The following SRSF1 variants were observed in gnomAD, a reference collection of about 807,000 sequenced individuals.
SRSF1 encodes serine/arginine-rich splicing factor 1.
A neutral mutation model predicts 25.9 loss-of-function variants in SRSF1; 1 was observed. The observed-to-expected ratio is 0.04, with a 90% CI of 0.01 to 0.18. The LOEUF (loss-of-function observed/expected upper bound fraction) is 0.18. Among genes scored for constraint, SRSF1 ranks in the 10% least tolerant of loss-of-function variants. The probability of loss-of-function intolerance (pLI) is 1.00; values close to 1 mark genes in which losing one functional copy is unlikely to be tolerated. For missense variants in SRSF1, 65 were observed against 350.5 expected (o/e 0.19, Z 6.50); for synonymous variants, 132 against 126.2 (o/e 1.05, Z -0.31).
At chr17:57,998,833 G>T (rs1403163308), downstream of SRSF1, among the ~76,000 whole-genome samples, 1 of 152,130 alleles carries the variant, frequency 6.6e-6, no homozygotes, top group Non-Finnish European at 1.5e-5. Flanking sequence ...GAAACAGACT[G>T]ATTTTCTAAA....
Position 58,005,657 on chromosome 17 carries a change from C to G in SRSF1, c.553-57G>C. On this transcript the variant is annotated intron_variant, in intron 3 of 3. Coordinates refer to ENST00000258962, the MANE Select transcript of SRSF1 (RefSeq NM_006924.5). The surrounding 1 kb of genome is among the most constrained non-coding windows in gnomAD (Gnocchi z 5.2). Reference sequence around the variant, plus strand: ...ATCTAAGCTTTCATCTATCTTCAGACATGCTGAATGAATACAATGTAACTA... The same window carrying G: ...ATCTAAGCTTTCATCTATCTTCAGAGATGCTGAATGAATACAATGTAACTA... 1 of 1,609,812 alleles carries G rather than the reference C, an allele frequency of 6.2e-7. No homozygotes were observed. Among genetic ancestry groups the G allele is most frequent in the Non-Finnish European group, 8.5e-7 (1 of 1,176,988 alleles).
downstream of SRSF1, among the ~76,000 whole-genome samples, chr17:58,000,468 A>T (rs2075382208): frequency 6.6e-6 from 1 of 152,194 alleles, no homozygotes; most frequent in African/African-American, 2.4e-5. Flanking sequence ...ACTGATACAG[A>T]AACAATAACT....
downstream of SRSF1, among the ~76,000 whole-genome samples, chr17:57,999,958 T>A (rs1365479531): frequency 5.3e-5 from 8 of 152,030 alleles, no homozygotes; most frequent in Non-Finnish European, 7.4e-5. Flanking sequence ...CTGAACTAAG[T>A]GTTGTTTTGC....
At chr17:57,989,949 A>G in the SRSF1 span, 1 of 391,810 alleles carries the variant, frequency 2.6e-6, no homozygotes. Context: ...GACCTTGGAC[A>G]ATGGAATTCT....
In SRSF1 at chr17:58,004,988, T is replaced by C; in HGVS notation, c.*418A>G. ...TTTGACAATCCTAAAATGATTGAAATGTGCTCCACAATCCTTAATCCAAAG... is the reference window on the plus strand; with the variant it reads ...TTTGACAATCCTAAAATGATTGAAACGTGCTCCACAATCCTTAATCCAAAG... On this transcript the variant is annotated 3_prime_UTR_variant, in exon 4 of 4. Transcript: ENST00000258962. 2.4e-6 allele frequency: 1 copy of C among 412,620 alleles called. No individual in the cohort carries two copies. The highest frequency in any genetic ancestry group is 4.3e-6 in the Non-Finnish European group (1 of 233,544). 25.6% of individuals were successfully genotyped at this position (412,620 alleles called of 1,614,324 possible). A position where few individuals can be genotyped will look rare whatever the true frequency, so the allele number is the denominator to read the frequency against.
downstream of SRSF1, among the ~76,000 whole-genome samples, chr17:57,997,087 C>G (rs1363764941): frequency 6.6e-6 from 1 of 152,076 alleles, no homozygotes; most frequent in Non-Finnish European, 1.5e-5. Context: ...ACCTAGGAGG[C>G]AACTATTTAG....
intron 1 of SRSF1, 165 bp downstream of exon 1, chr17:58,006,779 A>G (rs1598061883): frequency 1.0e-6 from 1 of 959,858 alleles, no homozygotes; most frequent in East Asian, 2.5e-5. Context: ...GCGCCAGAGA[A>G]GCCACATCAA....
At chr17:58,000,389 ATAATCTCTTTAC>A (rs1468590680), downstream of SRSF1, among the ~76,000 whole-genome samples, 1 of 152,214 alleles carries the variant, frequency 6.6e-6, no homozygotes, top group East Asian at 1.9e-4. Flanking sequence ...ATGTTTCCTG[ATAATCTCTTTAC>A]TTCATGCCAA....
chr17:57,997,574 ACCCAT>A (rs1029326461), downstream of SRSF1, among the ~76,000 whole-genome samples: 1 of 152,210 alleles, frequency 6.6e-6, no homozygotes, highest in Non-Finnish European at 1.5e-5. Flanking sequence ...GTAGAATATA[ACCCAT>A]TGTTAACTCA....
chr17:58,005,998 T>A lies in SRSF1; in HGVS notation c.380-25A>T. The A allele has an allele frequency of 6.3e-7, 1 of 1,598,040 alleles. No individual in the cohort carries two copies. The highest frequency in any genetic ancestry group is 8.5e-7 in the Non-Finnish European group (1 of 1,174,782). The stretch of plus-strand genomic sequence containing the variant: ...CCTGAAAAAGTGATTTTTTTTTTCT[T>A]AGTACCAATTATCTTAAATTTCACG... On this transcript the variant is annotated intron_variant, in intron 2 of 3. Transcript: ENST00000258962. The surrounding 1 kb of genome is among the most constrained non-coding windows in gnomAD (Gnocchi z 5.2).
At chr17:58,006,794 G>T in intron 1 of SRSF1, 150 bp downstream of exon 1, 2 of 1,026,800 alleles carry the variant, frequency 1.9e-6, no homozygotes, top group Non-Finnish European at 1.4e-6. Context: ...CATCAACTCA[G>T]CTCCTTACTC....
chr17:57,997,954 C>T (rs192255680), downstream of SRSF1, among the ~76,000 whole-genome samples: 144 of 152,298 alleles, frequency 9.5e-4, no homozygotes, highest in African/African-American at 3.4e-3. Context: ...CTGGCTCACA[C>T]CTGTATTCCC....
the SRSF1 span, chr17:57,989,754 G>T: frequency 1.5e-5 from 6 of 398,522 alleles, no homozygotes; most frequent in South Asian, 7.6e-4. Context: ...CTGCAGTTTG[G>T]ATCAGTAGCA....
At chr17:57,991,819 A>T in the SRSF1 span, 8 of 152,204 alleles carry the variant, frequency 5.3e-5, no homozygotes, top group African/African-American at 1.9e-4. Flanking sequence ...TGTCACCAGG[A>T]GTTATTTAAC....
chr17:57,992,803 C>G, the SRSF1 span: 2 of 152,202 alleles, frequency 1.3e-5, no homozygotes, highest in Non-Finnish European at 2.9e-5. Flanking sequence ...TCTTCAGAGT[C>G]AATTTGATCT....
chr17:58,006,790 C>G (rs927714616), intron 1 of SRSF1, 154 bp downstream of exon 1: 27 of 1,018,156 alleles, frequency 2.7e-5, no homozygotes, highest in Non-Finnish European at 2.0e-5. Context: ...GCCACATCAA[C>G]TCAGCTCCTT....
chr17:57,989,620 C>CCCT, the SRSF1 span: 1 of 398,518 alleles, frequency 2.5e-6, no homozygotes, highest in Non-Finnish European at 4.4e-6. Flanking sequence ...CAAGAATACC[C>CCCT]CCTCCCATTC....
At chr17:57,995,874 G>T in the SRSF1 span, among the ~76,000 whole-genome samples, 2 of 152,166 alleles carry the variant, frequency 1.3e-5, no homozygotes, top group Admixed American at 1.3e-4. Flanking sequence ...TGGGCGCAGT[G>T]GCTCATATCT....
downstream of SRSF1, among the ~76,000 whole-genome samples, chr17:57,999,031 A>C (rs916434102): frequency 6.6e-5 from 10 of 152,210 alleles, no homozygotes; most frequent in Admixed American, 5.9e-4. Flanking sequence ...AGATACTAAA[A>C]GTGTTAAATT....
Sources: allele counts gnomAD v4.1 joint callset (sites outside exome capture counted in the v4.1 genomes callset), GRCh38; gene constraint gnomAD v4.1.1; non-coding constraint Gnocchi (gnomAD v3.1); transcripts MANE v1.5; gene names NCBI Gene and HGNC (gene_info 2026-07-23, HGNC 2026-07-21).